The following MMRN2 variants were observed in gnomAD, a reference collection of about 807,000 sequenced individuals.
MMRN2 encodes the protein multimerin-2.
MMRN2 carries 53 observed loss-of-function variants against 68.8 expected under a neutral mutation model. The ratio of observed to expected loss-of-function variants is 0.77; its 90% confidence interval spans 0.62 to 0.97. The LOEUF (loss-of-function observed/expected upper bound fraction) is 0.97, where lower values mean the gene tolerates loss of function less well. MMRN2 is among the 50% of genes least tolerant of loss of function. The probability of loss-of-function intolerance (pLI) is 0.00; values close to 1 mark genes in which losing one functional copy is unlikely to be tolerated. For missense variants in MMRN2, 1,266 were observed against 1,259.5 expected (o/e 1.01, Z -0.08); for synonymous variants, 564 against 551.6 (o/e 1.02, Z -0.32).
At position 86,943,890 on chromosome 10, in the gene MMRN2, C is replaced by T; in HGVS notation, c.894G>A (p.Gln298=). 6.2e-7 allele frequency: 1 copy of T among 1,614,088 alleles called. No individual in the cohort carries two copies. Among genetic ancestry groups the T allele is most frequent in the Non-Finnish European group, 8.5e-7 (1 of 1,180,038 alleles). ...ELGAKFEAKV[Q]ENTQRVGQLR... ...GCTGACCCACTCTCTGAGTGTTCTC[C>T]TGGACCTTGGCCTCAAATTTGGCAC... is the stretch of plus-strand genomic sequence containing the variant. The change falls in exon 6 of 7, where the codon CAG becomes CAA. Residue 298 remains glutamine, a synonymous_variant. Transcript: ENST00000372027. The surrounding 1 kb of genome is among the most constrained non-coding windows in gnomAD (Gnocchi z 4.2).
At chr10:86,937,895 A>C (rs1008797733) in intron 6 of MMRN2, among the ~76,000 whole-genome samples, 6 of 152,150 alleles carry the variant, frequency 3.9e-5, no homozygotes, top group Admixed American at 2.6e-4. Context: ...TGGAGAAAGA[A>C]GGAAAGAGCA....
rs752810529 is a variant in MMRN2 at position 86,943,989 on chromosome 10, G to A, written c.795C>T (p.Asp265=). 26 of 1,614,016 alleles carry A rather than the reference G, an allele frequency of 1.6e-5. No individual in the cohort carries two copies. The Admixed American group carries it at 1.7e-4, about 10-fold the overall frequency. The change falls in exon 6 of 7, where the codon GAC becomes GAT. Residue 265 remains aspartate, a synonymous_variant. Transcript: ENST00000372027. This position sits in a 1 kb window ranked among gnomAD's most constrained non-coding sequence, Gnocchi z 4.2. ...LTQAIRNLSL[D]VEANRQAISR... is the part of the protein sequence containing the mutation. ...AGATGGCCTGGCGGTTGGCCTCCAC[G>A]TCAAGAGACAGGTTTCTTATGGCCT...
intron 1 of MMRN2, among the ~76,000 whole-genome samples, chr10:86,953,175 ACAAT>A (rs1467033407): frequency 1.3e-5 from 2 of 152,202 alleles, no homozygotes; most frequent in Non-Finnish European, 1.5e-5. Context: ...CACACGTTTT[ACAAT>A]CAATTTGTAC....
At chr10:86,944,188 G>A in intron 5 of MMRN2, 60 bp from the exon 6 acceptor site, 2 of 1,592,060 alleles carry the variant, frequency 1.3e-6, no homozygotes, top group Non-Finnish European at 1.7e-6. Flanking sequence ...TCCCAGGCTG[G>A]GACCAGCGGG....
At position 86,942,969 on chromosome 10, in the gene MMRN2, C is replaced by T; in HGVS notation, c.1815G>A (p.Arg605=). The T allele has an allele frequency of 6.7e-7, 1 of 1,492,196 alleles. No homozygotes were observed. The highest frequency in any genetic ancestry group is 8.9e-7 in the Non-Finnish European group (1 of 1,122,180). The allele number at this position is 1,492,196 out of a possible 1,614,324, so 92.4% of individuals were successfully genotyped here. A position where few individuals can be genotyped will look rare whatever the true frequency, so the allele number is the denominator to read the frequency against. ...AGAGCGCGGCCAGCACCGCCTCGTGCCGCAGCGCGTCCTCCAGCAGGGCGG... is the reference window on the plus strand; with the variant it reads ...AGAGCGCGGCCAGCACCGCCTCGTGTCGCAGCGCGTCCTCCAGCAGGGCGG... ...AFAALLEDAL[R]HEAVLAALFG... The change falls in exon 6 of 7, where the codon CGG becomes CGA. Residue 605 remains arginine (R), a synonymous_variant. Transcript: ENST00000372027.
intron 2 of MMRN2, 35 bp from the exon 3 acceptor site, chr10:86,945,511 G>C: frequency 6.4e-7 from 1 of 1,559,232 alleles, no homozygotes; most frequent in Non-Finnish European, 8.7e-7. Context: ...AGTGATTCCA[G>C]GGAGGGCCCG....
At chr10:86,939,834 TGTGTTTGTG>T (rs1843940956) in intron 6 of MMRN2, among the ~76,000 whole-genome samples, 11 of 134,610 alleles carry the variant, frequency 8.2e-5, no homozygotes, top group Non-Finnish European at 1.3e-4. Context: ...TGTGTGTGTG[TGTGTTTGTG>T]TGTGTGTGTG....
intron 6 of MMRN2, among the ~76,000 whole-genome samples, chr10:86,940,744 C>T (rs1843954384): frequency 6.6e-6 from 1 of 152,196 alleles, no homozygotes; most frequent in Non-Finnish European, 1.5e-5. Context: ...TTGGACTTGC[C>T]ACACGCCAGG....
chr10:86,937,468 G>T (rs755300570), intron 6 of MMRN2, among the ~76,000 whole-genome samples: 2 of 141,086 alleles, frequency 1.4e-5, no homozygotes, highest in Non-Finnish European at 3.0e-5. Context: ...TTTTTTTAAC[G>T]TAGAGATGGA....
chr10:86,942,289 G>A (rs747508528), intron 6 of MMRN2, 28 bp downstream of exon 6: 2 of 1,574,184 alleles, frequency 1.3e-6, no homozygotes, highest in African/African-American at 1.4e-5. Flanking sequence ...TCCTAGGCTC[G>A]TCCAGTCTCC....
Position 86,945,445 on chromosome 10 carries a change from C to G in MMRN2, c.325G>C (p.Val109Leu). Residue 109 changes from valine (V) to leucine (L), a missense_variant, in exon 3 of 7, where the codon GTC becomes CTC. Val to Leu is a conservative substitution (Grantham distance 32, BLOSUM62 1). Coordinates refer to ENST00000372027, the MANE Select transcript of MMRN2 (RefSeq NM_024756.3). ...YRMAHKPVYQ[V>L]KQKVLTSLAW... ...AAAGAGGTCAGCACCTTCTGCTTGACCTGGTACACTGGCTTGTGGGCCATG... is the reference window on the plus strand; with the variant it reads ...AAAGAGGTCAGCACCTTCTGCTTGAGCTGGTACACTGGCTTGTGGGCCATG... 6.4e-7 allele frequency: 1 copy of G among 1,564,840 alleles called. No homozygotes were observed.
intron 4 of MMRN2, 43 bp from the exon 5 acceptor site, chr10:86,944,478 G>A (rs1844037646): frequency 1.2e-6 from 2 of 1,600,682 alleles, no homozygotes; most frequent in African/African-American, 2.7e-5. Flanking sequence ...TAACTCACCA[G>A]GCCTGGGAAG....
At chr10:86,944,535 T>G in intron 4 of MMRN2, 100 bp from the exon 5 acceptor site, 2 of 1,345,268 alleles carry the variant, frequency 1.5e-6, no homozygotes, top group Non-Finnish European at 1.0e-6. Context: ...AGCAGGGAAG[T>G]TAGCTGCTGA....
chr10:86,938,430 G>A lies in MMRN2; in HGVS notation c.2468-1305C>T, dbSNP rs1023730093. ...GAACACTGGTGCCAGGCCCATGCACGGGCACAGAAGCAGAGGAAGCTGCCA... is the reference window on the plus strand; with the variant it reads ...GAACACTGGTGCCAGGCCCATGCACAGGCACAGAAGCAGAGGAAGCTGCCA... On this transcript the variant is annotated intron_variant, in intron 6 of 6. Transcript: ENST00000372027. Among the ~76,000 whole-genome samples, 5 of 152,342 alleles carry A rather than the reference G, an allele frequency of 3.3e-5. 1 individual carries two copies. In the South Asian group the frequency reaches 1.0e-3, roughly 32 times the overall value.
rs1018739737 is a variant in MMRN2 at position 86,942,789 on chromosome 10, C to T, written c.1995G>A (p.Leu665=). 5.1e-6 allele frequency: 7 copies of T among 1,362,008 alleles called. No individual in the cohort carries two copies. In the African/African-American group the frequency reaches 1.1e-4, roughly 21 times the overall value. 84.4% of individuals were successfully genotyped at this position (1,362,008 alleles called of 1,614,324 possible). ...WDELAARVTA[L]EQASEPPRPA... ...GCCGCGGGGGCTCCGAGGCCTGCTCCAGGGCCGTCACTCGGGCGGCCAGCT... is the reference window on the plus strand; with the variant it reads ...GCCGCGGGGGCTCCGAGGCCTGCTCTAGGGCCGTCACTCGGGCGGCCAGCT... The change falls in exon 6 of 7, where the codon CTG becomes CTA. Residue 665 remains leucine, a synonymous_variant. Transcript: ENST00000372027.
intron 6 of MMRN2, among the ~76,000 whole-genome samples, chr10:86,939,160 CA>C (rs71019439): frequency 0.058 from 5,550 of 96,372 alleles, 170 homozygotes; most frequent in African/African-American, 0.12. Flanking sequence ...GAAACTCCGT[CA>C]AAAAAAAAAA....
rs773640792 is a variant in MMRN2 at position 86,943,810 on chromosome 10, G to A, written c.974C>T (p.Ser325Leu). ...CACATCGGCTTGGAGCTCTGAGATC[G>A]AGCGGTGCAGGGTAAAGTGCTGGGC... ...LHAQHFTLHR[S>L]ISELQADVDT... The change falls in exon 6 of 7, where the codon TCG becomes TTG. Residue 325 changes from serine (S) to leucine (L), a missense_variant. Coordinates refer to ENST00000372027, the MANE Select transcript of MMRN2 (RefSeq NM_024756.3). The surrounding 1 kb of genome is among the most constrained non-coding windows in gnomAD (Gnocchi z 4.2). The A allele has an allele frequency of 1.1e-5, 17 of 1,610,550 alleles. No individual in the cohort carries two copies. Among genetic ancestry groups the A allele is most frequent in the Admixed American group, 6.7e-5 (4 of 60,002 alleles).
At chr10:86,937,596 T>C (rs1843899529) in intron 6 of MMRN2, among the ~76,000 whole-genome samples, 1 of 152,138 alleles carries the variant, frequency 6.6e-6, no homozygotes, top group Admixed American at 6.5e-5. Context: ...CAAAGCACTT[T>C]CTCGTTTGAT....
chr10:86,936,486 A>G lies in MMRN2; in HGVS notation c.*257T>C, dbSNP rs1170077267. ...GTTGGAGCCCAGGCCGTGCTGTCTGAGAAGGCATGCCAAGCCAAGGTTCAG... is the reference window on the plus strand; with the variant it reads ...GTTGGAGCCCAGGCCGTGCTGTCTGGGAAGGCATGCCAAGCCAAGGTTCAG... On this transcript the variant is annotated 3_prime_UTR_variant, in exon 7 of 7. Transcript: ENST00000372027. 1 of 568,986 alleles carries G rather than the reference A, an allele frequency of 1.8e-6. No homozygotes were observed. Among genetic ancestry groups the G allele is most frequent in the African/African-American group, 1.9e-5 (1 of 53,708 alleles). 35.2% of individuals were successfully genotyped at this position (568,986 alleles called of 1,614,324 possible). A position where few individuals can be genotyped will look rare whatever the true frequency, so the allele number is the denominator to read the frequency against.
Sources: gnomAD v4.1 joint callset for allele counts (sites outside exome capture counted in the v4.1 genomes callset) on GRCh38, gnomAD v4.1.1 for gene constraint, Gnocchi (gnomAD v3.1) non-coding constraint, MANE v1.5 for transcripts, NCBI Gene and HGNC (gene_info 2026-07-23, HGNC 2026-07-21) for gene names.